Variants in IGSF11 observed in about 807,000 individuals in gnomAD.
The protein encoded by IGSF11 is CXADR like 1.
A neutral mutation model predicts 41.0 loss-of-function variants in IGSF11; 22 were observed. The observed-to-expected ratio is 0.54, with a 90% CI of 0.38 to 0.77. The LOEUF (loss-of-function observed/expected upper bound fraction) is 0.77, where lower values mean the gene tolerates loss of function less well. IGSF11 is among the 30% of genes least tolerant of loss of function. The pLI, the probability that IGSF11 is intolerant of heterozygous loss-of-function variation, is 0.00. For synonymous variants in IGSF11, 219 were observed against 201.3 expected (o/e 1.09, Z -0.74); for missense variants, 444 against 530.8 (o/e 0.84, Z 1.61).
chr3:119,047,587 A>T (rs2107423775), intron 1 of IGSF11, among the ~76,000 whole-genome samples: 1 of 152,324 alleles, frequency 6.6e-6, no homozygotes, highest in South Asian at 2.1e-4. Flanking sequence ...AGACAGACCA[A>T]TGAGACAGAA....
chr3:118,916,057 G>A (rs1308840359), intron 4 of IGSF11, among the ~76,000 whole-genome samples: 1 of 149,402 alleles, frequency 6.7e-6, no homozygotes, highest in Non-Finnish European at 1.5e-5. Context: ...AGCAAATGCT[G>A]AGAGATTTTG....
intron 1 of IGSF11, among the ~76,000 whole-genome samples, chr3:119,125,920 C>T (rs2077398523): frequency 6.6e-6 from 1 of 152,204 alleles, no homozygotes; most frequent in African/African-American, 2.4e-5. Flanking sequence ...ACCCCGCTCG[C>T]GAACCCATGC....
chr3:118,958,527 A>G (rs1376752416), intron 1 of IGSF11, among the ~76,000 whole-genome samples: 6 of 152,312 alleles, frequency 3.9e-5, no homozygotes, highest in South Asian at 2.1e-4. Flanking sequence ...AGTCAGTGGA[A>G]AAAAAACAAG....
intron 1 of IGSF11, among the ~76,000 whole-genome samples, chr3:119,050,021 CG>C (rs1553721827): frequency 6.8e-6 from 1 of 146,266 alleles, no homozygotes; most frequent in Non-Finnish European, 1.5e-5. Flanking sequence ...AAGACTTAAA[CG>C]TTAGACCTAA....
intron 1 of IGSF11, among the ~76,000 whole-genome samples, chr3:119,130,451 A>C (rs9653917): frequency 2.0e-5 from 3 of 151,996 alleles, no homozygotes; most frequent in Non-Finnish European, 2.9e-5. Context: ...AGCCTTGCTC[A>C]CTGCTAGCGC....
chr3:119,016,233 G>A (rs1938672920), intron 1 of IGSF11, among the ~76,000 whole-genome samples: 1 of 152,232 alleles, frequency 6.6e-6, no homozygotes, highest in Non-Finnish European at 1.5e-5. Flanking sequence ...CAGGAGCGAG[G>A]CTGTAAGGGT....
intron 1 of IGSF11, among the ~76,000 whole-genome samples, chr3:119,056,041 C>T (rs571482665): frequency 6.6e-6 from 1 of 152,150 alleles, no homozygotes; most frequent in South Asian, 2.1e-4. Flanking sequence ...AATTGACACC[C>T]TAATATCACA....
chr3:119,078,120 A>G (rs2076530537), intron 1 of IGSF11, among the ~76,000 whole-genome samples: 1 of 152,202 alleles, frequency 6.6e-6, no homozygotes, highest in African/African-American at 2.4e-5. Flanking sequence ...ATTTAATACT[A>G]TTCCTATCAA....
chr3:119,138,688 A>G (rs1230878607), intron 1 of IGSF11, among the ~76,000 whole-genome samples: 1 of 151,200 alleles, frequency 6.6e-6, no homozygotes, highest in Non-Finnish European at 1.5e-5. Context: ...CTGTCTCAAG[A>G]AAAAAAAATG....
chr3:118,903,408 T>C (rs1172653534), intron 6 of IGSF11, among the ~76,000 whole-genome samples: 1 of 152,076 alleles, frequency 6.6e-6, no homozygotes, highest in Non-Finnish European at 1.5e-5. Flanking sequence ...ATATTTACTG[T>C]AAGTAGGAAA....
chr3:118,906,964 A>C (rs1939680378), intron 4 of IGSF11, among the ~76,000 whole-genome samples: 2 of 152,186 alleles, frequency 1.3e-5, no homozygotes, highest in Non-Finnish European at 2.9e-5. Flanking sequence ...CTCACCTCTA[A>C]GCTCTAGGCT....
chr3:119,072,206 G>C (rs1236557291), intron 1 of IGSF11, among the ~76,000 whole-genome samples: 1 of 152,192 alleles, frequency 6.6e-6, no homozygotes, highest in Non-Finnish European at 1.5e-5. Context: ...TTCCTTGCAA[G>C]CAAATGATCC....
intron 1 of IGSF11, among the ~76,000 whole-genome samples, chr3:119,073,824 C>T (rs1217056392): frequency 6.6e-6 from 1 of 152,204 alleles, no homozygotes; most frequent in Non-Finnish European, 1.5e-5. Flanking sequence ...GCTCCCGCCT[C>T]AGCCAGTCCG....
chr3:118,905,490 C>T (rs1002514118), intron 5 of IGSF11, 106 bp downstream of exon 5: 10 of 1,150,202 alleles, frequency 8.7e-6, no homozygotes, highest in Non-Finnish European at 1.2e-5. Context: ...TCTATTTAAT[C>T]TTCAGATAAC....
chr3:119,048,483 T>C (rs1417408614), intron 1 of IGSF11, among the ~76,000 whole-genome samples: 15 of 152,082 alleles, frequency 9.9e-5, no homozygotes. Flanking sequence ...AATAACAGGA[T>C]CTGAAAGTGT....
At chr3:118,908,627 G>A (rs1209630902) in intron 4 of IGSF11, among the ~76,000 whole-genome samples, 1 of 152,098 alleles carries the variant, frequency 6.6e-6, no homozygotes, top group Non-Finnish European at 1.5e-5. Context: ...AAGTTCAATG[G>A]CATGAAACTA....
At chr3:118,921,666 C>T (rs1389129815) in intron 4 of IGSF11, among the ~76,000 whole-genome samples, 1 of 152,040 alleles carries the variant, frequency 6.6e-6, no homozygotes, top group East Asian at 1.9e-4. Flanking sequence ...TTCCTGGATT[C>T]AGGGTTCAAA....
chr3:119,085,154 C>G lies in IGSF11; in HGVS notation c.49+19990G>C, dbSNP rs376529065. On this transcript the variant is annotated intron_variant, in intron 1 of 6. Coordinates refer to the IGSF11 transcript ENST00000354673. The stretch of plus-strand genomic sequence containing the variant: ...TCAAGAGTGGAGCTGGTGAGGTCAC[C>G]TCTCTCCCCCTCATACCATAGAACA... Among the ~76,000 whole-genome samples, 32 of 152,310 alleles carry G rather than the reference C, an allele frequency of 2.1e-4. No individual in the cohort carries two copies. The East Asian group carries it at 4.4e-3, about 21-fold the overall frequency.
chr3:119,027,362 A>G (rs969600207), intron 1 of IGSF11, among the ~76,000 whole-genome samples: 4 of 152,206 alleles, frequency 2.6e-5, no homozygotes, highest in African/African-American at 7.2e-5. Flanking sequence ...AAAATACTAT[A>G]TATCAGTGTG....
Sources: allele counts gnomAD v4.1 joint callset (sites outside exome capture counted in the v4.1 genomes callset), GRCh38; gene constraint gnomAD v4.1.1; transcripts MANE v1.5; gene names NCBI Gene and HGNC (gene_info 2026-07-23, HGNC 2026-07-21).